Variants in DCDC2C observed in about 807,000 individuals in gnomAD.
DCDC2C encodes doublecortin domain containing 2C, also known as doublecortin domain-containing protein 2C.
Under a neutral mutation model 45.0 loss-of-function variants are expected in DCDC2C, and 44 were observed. The ratio of observed to expected loss-of-function variants is 0.98; its 90% CI spans 0.77 to 1.26. The LOEUF (loss-of-function observed/expected upper bound fraction) is 1.26, where lower values mean the gene tolerates loss of function less well. DCDC2C is among the 50% of genes most tolerant of loss of function. DCDC2C has a pLI of 0.00. For synonymous variants in DCDC2C, 187 were observed against 178.8 expected, an observed-to-expected ratio of 1.05 and a Z score of -0.37; for missense variants, 447 against 468.9, an observed-to-expected ratio of 0.95 and a Z score of 0.43.
At chr2:3,720,603 A>G (rs1414500731) in intron 2 of DCDC2C, among the ~76,000 whole-genome samples, 1 of 152,220 alleles carries the variant, frequency 6.6e-6, no homozygotes, top group Non-Finnish European at 1.5e-5. Flanking sequence ...AATGGGATGT[A>G]GGATTAGGAT....
chr2:3,778,795 T>C lies in DCDC2C; in HGVS notation c.955-21T>C, dbSNP rs578212637. 6.5e-6 allele frequency: 10 copies of C among 1,549,434 alleles called. No individual in the cohort carries two copies. In the East Asian group the frequency reaches 2.2e-4, roughly 34 times the overall value. Reference sequence around the variant, plus strand: ...AGTTCCACATAAGTAGTTGATAAAATGTGGTGTATTTTCTCCCCAGAGACA... The same window carrying C: ...AGTTCCACATAAGTAGTTGATAAAACGTGGTGTATTTTCTCCCCAGAGACA... On this transcript the variant is annotated intron_variant, in intron 8 of 10. Transcript: ENST00000399143.
At chr2:3,704,709 A>AGG (rs577775194) in intron 1 of DCDC2C, among the ~76,000 whole-genome samples, 1 of 22,574 alleles carries the variant, frequency 4.4e-5, no homozygotes, top group Non-Finnish European at 7.9e-5. Flanking sequence ...GGGGAGGGGG[A>AGG]GGGGGGAGGG....
intron 10 of DCDC2C, among the ~76,000 whole-genome samples, chr2:3,834,593 C>T (rs953064948): frequency 3.3e-5 from 5 of 152,208 alleles, no homozygotes; most frequent in Admixed American, 2.6e-4. Context: ...TTGCATTGCA[C>T]ATGAGGGAAC....
chr2:3,834,117 C>CAA (rs1316140220), intron 10 of DCDC2C, among the ~76,000 whole-genome samples: 1 of 150,842 alleles, frequency 6.6e-6, no homozygotes, highest in Non-Finnish European at 1.5e-5. Context: ...ATCCCTGGCC[C>CAA]AAGCCTCCCC....
chr2:3,734,330 CAG>C lies in DCDC2C; in HGVS notation c.416+7255_416+7256del, dbSNP rs1668960465. Among the ~76,000 whole-genome samples the C allele has an allele frequency of 6.6e-6, 1 of 152,154 alleles. No individual in the cohort carries two copies. The highest frequency in any genetic ancestry group is 6.5e-5 in the Admixed American group (1 of 15,280). ...AGCCTGGAAGGGCCCACCCTCCCTC[CAG>C]AGATAGGAGCCATCGACATAAAGAG... On this transcript the variant is annotated intron_variant, in intron 3 of 10. Coordinates refer to ENST00000399143, the MANE Select transcript of DCDC2C (RefSeq NM_001287444.2). The surrounding 1 kb of genome is among the most constrained non-coding windows in gnomAD (Gnocchi z 4.2).
intron 8 of DCDC2C, among the ~76,000 whole-genome samples, chr2:3,771,732 G>A (rs539571295): frequency 9.8e-5 from 15 of 152,326 alleles, no homozygotes; most frequent in Admixed American, 4.6e-4. Flanking sequence ...GGCTGCATCC[G>A]AGTGGGCCAA....
chr2:3,725,759 G>C (rs971086701), intron 2 of DCDC2C, among the ~76,000 whole-genome samples: 1 of 29,610 alleles, frequency 3.4e-5, no homozygotes, highest in Admixed American at 4.1e-4. Context: ...GACTGCCAGA[G>C]AGTGATGAGG....
intron 10 of DCDC2C, among the ~76,000 whole-genome samples, 174 bp downstream of exon 10, chr2:3,785,274 A>G (rs1572615828): frequency 6.6e-6 from 1 of 152,306 alleles, no homozygotes; most frequent in East Asian, 1.9e-4. Flanking sequence ...ACTTGGAGGA[A>G]AAGAAGCATA....
chr2:3,797,407 T>G (rs1214004822), intron 10 of DCDC2C, among the ~76,000 whole-genome samples: 4 of 151,200 alleles, frequency 2.6e-5, no homozygotes, highest in Non-Finnish European at 4.4e-5. Flanking sequence ...CTTGCCTTCT[T>G]CTAGCTTTTG....
chr2:3,787,048 A>G (rs1172180026), intron 10 of DCDC2C, among the ~76,000 whole-genome samples: 1 of 152,186 alleles, frequency 6.6e-6, no homozygotes, highest in East Asian at 1.9e-4. Context: ...AATCAGTGTA[A>G]TCCATTTGTT....
chr2:3,827,708 A>G (rs183153533), intron 10 of DCDC2C, among the ~76,000 whole-genome samples: 2 of 152,306 alleles, frequency 1.3e-5, no homozygotes, highest in African/African-American at 4.8e-5. Context: ...ATAAATGCCA[A>G]CTAGATTATC....
chr2:3,755,517 A>G (rs764175456), intron 6 of DCDC2C, among the ~76,000 whole-genome samples: 27 of 148,992 alleles, frequency 1.8e-4, no homozygotes, highest in Non-Finnish European at 1.5e-5. Flanking sequence ...ATGAATGCAC[A>G]TGCATGTGCG....
chr2:3,791,036 C>A (rs930281306), intron 10 of DCDC2C, among the ~76,000 whole-genome samples: 1 of 151,866 alleles, frequency 6.6e-6, no homozygotes, highest in Non-Finnish European at 1.5e-5. Context: ...CGTGAACCCG[C>A]GAGGCAGAGC....
chr2:3,793,295 C>T (rs954207338), intron 10 of DCDC2C, among the ~76,000 whole-genome samples: 1 of 152,220 alleles, frequency 6.6e-6, no homozygotes, highest in African/African-American at 2.4e-5. Flanking sequence ...TGCATATGAA[C>T]TTGACAAGCC....
chr2:3,765,105 A>G (rs557671109), intron 6 of DCDC2C, among the ~76,000 whole-genome samples: 6 of 152,328 alleles, frequency 3.9e-5, no homozygotes, highest in African/African-American at 1.4e-4. Context: ...GTTCAGATAA[A>G]ATATGTACTT....
chr2:3,797,628 C>A (rs1373270070), intron 10 of DCDC2C, among the ~76,000 whole-genome samples: 1 of 149,466 alleles, frequency 6.7e-6, no homozygotes, highest in African/African-American at 2.5e-5. Flanking sequence ...TCGTTATGTA[C>A]CCAGTAGTCA....
In DCDC2C at chr2:3,704,230, C is replaced by G. The variant is rs554279712; in HGVS notation, c.287+192C>G. On this transcript the variant is annotated intron_variant, in intron 1 of 10. Transcript: ENST00000399143. ...CCACGTGGTTTCCTGGGGGCGAAGC[C>G]GAGGCAGCCCCGCCCCCAGGGTCCC... 1.7e-4 allele frequency: 76 copies of G among 459,808 alleles called. No individual in the cohort carries two copies. The South Asian group carries it at 8.5e-3, about 51-fold the overall frequency. The allele number at this position is 459,808 out of a possible 1,614,324, so 28.5% of individuals were successfully genotyped here.
intron 10 of DCDC2C, among the ~76,000 whole-genome samples, chr2:3,792,050 G>C (rs900381954): frequency 5.3e-5 from 8 of 152,114 alleles, no homozygotes; most frequent in Non-Finnish European, 7.4e-5. Context: ...TTGGTTTTAA[G>C]CAGATAGACA....
At chr2:3,817,888 A>G (rs971463840) in intron 10 of DCDC2C, among the ~76,000 whole-genome samples, 4 of 152,188 alleles carry the variant, frequency 2.6e-5, no homozygotes, top group African/African-American at 9.7e-5. Context: ...GGGTGATAAA[A>G]CTAGGTACCC....
Sources: gnomAD v4.1 joint callset for allele counts (sites outside exome capture counted in the v4.1 genomes callset) on GRCh38, gnomAD v4.1.1 for gene constraint, Gnocchi (gnomAD v3.1) non-coding constraint, MANE v1.5 for transcripts, NCBI Gene and HGNC (gene_info 2026-07-23, HGNC 2026-07-21) for gene names.